Variants in TNRC6A observed in about 807,000 individuals in gnomAD.
TNRC6A encodes trinucleotide repeat-containing gene 6A protein.
Under a neutral mutation model 221.2 loss-of-function variants are expected in TNRC6A, and 44 were observed. The observed-to-expected ratio is 0.20, with a 90% CI of 0.16 to 0.26. The LOEUF (loss-of-function observed/expected upper bound fraction) is 0.26. Among genes scored for constraint, TNRC6A ranks in the 10% least tolerant of loss-of-function variants. The pLI is 1.00. For missense variants in TNRC6A, 2,199 were observed against 2,404.4 expected, an observed-to-expected ratio of 0.91 and a Z score of 1.79; for synonymous variants, 847 against 838.5, an observed-to-expected ratio of 1.01 and a Z score of -0.18.
chr16:24,790,321 G>A lies in TNRC6A; in HGVS notation c.1679G>A (p.Gly560Asp). Residue 560 changes from glycine (G) to aspartate (D), a missense_variant, in exon 6 of 25, where the codon GGC (glycine) becomes GAC (aspartate). By Grantham distance (94) the Gly-to-Asp change is moderately conservative (BLOSUM62 -1). Coordinates refer to ENST00000395799, the MANE Select transcript of TNRC6A (RefSeq NM_014494.4). ...CAGCCTGGCGTAAATGGTCCTATGGGCACTAACTTTCAAGTTAACACAAAC... is the reference window on the plus strand; with the variant it reads ...CAGCCTGGCGTAAATGGTCCTATGGACACTAACTTTCAAGTTAACACAAAC... ...LMQPGVNGPM[G>D]TNFQVNTNKG... is the part of the protein sequence containing the mutation. 1 of 1,614,224 alleles carries A rather than the reference G, an allele frequency of 6.2e-7. No homozygotes were observed. Among genetic ancestry groups the A allele is most frequent in the Non-Finnish European group, 8.5e-7 (1 of 1,180,048 alleles).
chr16:24,648,274 C>CTTTTTTTTTTTTTTTTTTT lies in TNRC6A; in HGVS notation n.402+7280_402+7281insTTTTTTTTTTTTTTTTTTT, dbSNP rs71156430. Among the ~76,000 whole-genome samples, 120 of 97,824 alleles carry CTTTTTTTTTTTTTTTTTTT rather than the reference C, an allele frequency of 1.2e-3. 7 individuals are homozygous for CTTTTTTTTTTTTTTTTTTT. The highest frequency in any genetic ancestry group is 1.5e-3 in the Non-Finnish European group (81 of 52,806). The allele number at this position is 97,824 out of a possible 152,430, so 64.2% of individuals were successfully genotyped here. On this transcript the variant is annotated intron_variant and non_coding_transcript_variant, in intron 2 of 2. Transcript: ENST00000566108. ...GCAATTGTACCACTTTCCACAGCAA[C>CTTTTTTTTTTTTTTTTTTT]TTTTTTTTTTTTTTTGAGATGGAGT... is the stretch of plus-strand genomic sequence containing the variant.
chr16:24,820,472 CA>C (rs1267268162), intron 22 of TNRC6A, 112 bp downstream of exon 22: 31 of 938,122 alleles, frequency 3.3e-5, no homozygotes, highest in Middle Eastern at 2.8e-4. Flanking sequence ...TCACCTCCAT[CA>C]GGGGGAATGA....
At chr16:24,799,116 T>C (rs2058280255) in intron 11 of TNRC6A, among the ~76,000 whole-genome samples, 1 of 152,192 alleles carries the variant, frequency 6.6e-6, no homozygotes, top group Non-Finnish European at 1.5e-5. Flanking sequence ...GCCTTGTTGC[T>C]GGCAAAGCTG....
intron 2 of TNRC6A, among the ~76,000 whole-genome samples, chr16:24,745,319 G>A (rs1349855454): frequency 6.6e-6 from 1 of 152,130 alleles, no homozygotes; most frequent in Admixed American, 6.6e-5. Flanking sequence ...GTGACTTCCT[G>A]TTGTGTAGTG....
intron 2 of TNRC6A, among the ~76,000 whole-genome samples, chr16:24,698,144 A>G (rs1273886061): frequency 6.6e-6 from 1 of 152,130 alleles, no homozygotes; most frequent in Non-Finnish European, 1.5e-5. Context: ...CCTGGGCAAC[A>G]TAGCGAGACC....
intron 2 of TNRC6A, among the ~76,000 whole-genome samples, chr16:24,699,313 A>T (rs2055923137): frequency 1.3e-5 from 2 of 152,204 alleles, no homozygotes; most frequent in African/African-American, 4.8e-5. Context: ...GCAGCACTAC[A>T]GAGCACAGAA....
intron 2 of TNRC6A, among the ~76,000 whole-genome samples, chr16:24,723,591 C>CAA (rs71383707): frequency 0.31 from 43,896 of 140,160 alleles, 7,603 homozygotes; most frequent in South Asian, 0.6. Flanking sequence ...AAGACTCTGT[C>CAA]AAAAAAAAAA....
At position 24,790,710 on chromosome 16, in the gene TNRC6A, A is replaced by T. The variant is rs1383162258; in HGVS notation, c.2068A>T (p.Ser690Cys). The T allele has an allele frequency of 1.9e-6, 3 of 1,614,204 alleles. No homozygotes were observed. The highest frequency in any genetic ancestry group is 2.5e-6 in the Non-Finnish European group (3 of 1,180,036). ...CCTTGAGGAAAAAGGAACTGGGGAA[A>T]GTCAGAGTAGAGACAGAAGAAAAAT... ...GRLEEKGTGE[S>C]QSRDRRKIDQ... Residue 690 changes from serine to cysteine, a missense_variant, in exon 6 of 25, where the codon AGT becomes TGT. By Grantham distance (112) the Ser-to-Cys change is moderately radical. Coordinates refer to ENST00000395799, the MANE Select transcript of TNRC6A (RefSeq NM_014494.4).
At chr16:24,677,026 G>A (rs954775648) in intron 2 of TNRC6A, among the ~76,000 whole-genome samples, 13 of 152,012 alleles carry the variant, frequency 8.6e-5, no homozygotes, top group African/African-American at 3.1e-4. Flanking sequence ...GCCAATTCAG[G>A]CATCACTTCT....
intron 1 of TNRC6A, among the ~76,000 whole-genome samples, chr16:24,633,192 A>G (rs1054691527): frequency 7.2e-5 from 11 of 151,892 alleles, no homozygotes; most frequent in Non-Finnish European, 1.6e-4. Flanking sequence ...TCTATTTACC[A>G]TATATGCAGC....
intron 2 of TNRC6A, among the ~76,000 whole-genome samples, chr16:24,745,102 A>T (rs1293122066): frequency 6.6e-6 from 1 of 152,170 alleles, no homozygotes; most frequent in Admixed American, 6.5e-5. Context: ...CCACCCTTCA[A>T]TACGATGACC....
intron 2 of TNRC6A, among the ~76,000 whole-genome samples, chr16:24,683,642 G>A (rs1428558670): frequency 6.6e-6 from 1 of 152,172 alleles, no homozygotes; most frequent in Non-Finnish European, 1.5e-5. Context: ...AGATTCTGGA[G>A]GTAAACTGCC....
chr16:24,781,630 C>A (rs2057848409), intron 5 of TNRC6A, among the ~76,000 whole-genome samples: 1 of 152,106 alleles, frequency 6.6e-6, no homozygotes, highest in African/African-American at 2.4e-5. Flanking sequence ...TGTTGGGCCC[C>A]TCAAAACTCA....
intron 1 of TNRC6A, among the ~76,000 whole-genome samples, chr16:24,615,020 T>TC (rs1348649139): frequency 6.6e-6 from 1 of 151,866 alleles, no homozygotes; most frequent in Non-Finnish European, 1.5e-5. Flanking sequence ...AGCTGAGATC[T>TC]CCCCACTGCA....
intron 5 of TNRC6A, among the ~76,000 whole-genome samples, chr16:24,785,110 T>C (rs987815617): frequency 1.3e-5 from 2 of 152,254 alleles, no homozygotes; most frequent in African/African-American, 4.8e-5. Context: ...CTTTGACATA[T>C]ACTTGGATCT....
intron 2 of TNRC6A, among the ~76,000 whole-genome samples, chr16:24,645,762 C>T (rs1902245314): frequency 2.2e-5 from 3 of 137,250 alleles, no homozygotes; most frequent in African/African-American, 8.2e-5. Flanking sequence ...TTTGGGAGGC[C>T]GAGGTGGGGA....
chr16:24,816,598 A>G, intron 19 of TNRC6A: 1 of 529,558 alleles, frequency 1.9e-6, no homozygotes, highest in East Asian at 3.3e-5. Flanking sequence ...ATTCACATTC[A>G]GTGAGATGAT....
At chr16:24,674,201 C>A (rs2055361925) in intron 2 of TNRC6A, among the ~76,000 whole-genome samples, 1 of 152,132 alleles carries the variant, frequency 6.6e-6, no homozygotes, top group Non-Finnish European at 1.5e-5. Flanking sequence ...TCCTGAGTAG[C>A]TGGAACTACA....
intron 2 of TNRC6A, among the ~76,000 whole-genome samples, chr16:24,670,338 T>C (rs2055269588): frequency 6.6e-6 from 1 of 152,062 alleles, no homozygotes; most frequent in Non-Finnish European, 1.5e-5. Flanking sequence ...AGCTGGGAAG[T>C]GGCAGAGCTG....
Sources: allele counts gnomAD v4.1 joint callset (sites outside exome capture counted in the v4.1 genomes callset), GRCh38; gene constraint gnomAD v4.1.1; transcripts MANE v1.5; gene names NCBI Gene and HGNC (gene_info 2026-07-23, HGNC 2026-07-21).